The following CFAP206 variants were observed in gnomAD, a reference collection of about 807,000 sequenced individuals.
CFAP206 encodes the protein cilia and flagella associated protein 206, also known as cilia- and flagella-associated protein 206.
In CFAP206, 53 loss-of-function variants were observed where a neutral mutation model predicts 65.4. That is an observed-to-expected ratio of 0.81 (90% confidence interval 0.65 to 1.02). The LOEUF is 1.02. Ranked by LOEUF, CFAP206 falls within the 50% of genes least tolerant of loss-of-function variation. The probability of loss-of-function intolerance (pLI) is 0.00; values close to 1 mark genes in which losing one functional copy is unlikely to be tolerated. For missense variants in CFAP206, 663 were observed against 753.2 expected, an observed-to-expected ratio of 0.88 and a Z score of 1.40; for synonymous variants, 250 against 254.4, an observed-to-expected ratio of 0.98 and a Z score of 0.17.
intron 5 of CFAP206, 74 bp from the exon 6 acceptor site, chr6:87,416,595 A>T: frequency 7.2e-7 from 1 of 1,387,424 alleles, no homozygotes; most frequent in Non-Finnish European, 9.7e-7. Flanking sequence ...CTGCTAAAGA[A>T]AAACGTTATT....
chr6:87,455,828 T>C (rs1768630456), intron 11 of CFAP206, among the ~76,000 whole-genome samples: 1 of 152,132 alleles, frequency 6.6e-6, no homozygotes, highest in Non-Finnish European at 1.5e-5. Context: ...AAAACCTGAA[T>C]AGATCAATAA....
At chr6:87,461,739 C>G (rs1434852000) in intron 12 of CFAP206, among the ~76,000 whole-genome samples, 4 of 152,162 alleles carry the variant, frequency 2.6e-5, no homozygotes, top group African/African-American at 7.2e-5. Flanking sequence ...TCTGTAGCCC[C>G]TTTTTAGTAT....
intron 11 of CFAP206, among the ~76,000 whole-genome samples, chr6:87,456,561 G>A (rs2179845): frequency 0.14 from 22,054 of 152,124 alleles, 1,695 homozygotes; most frequent in Admixed American, 0.17. Flanking sequence ...ACCTCGGAAA[G>A]GAAGAAGTTA....
chr6:87,459,574 A>G (rs1768705948), intron 11 of CFAP206, among the ~76,000 whole-genome samples: 1 of 152,228 alleles, frequency 6.6e-6, no homozygotes, highest in Non-Finnish European at 1.5e-5. Flanking sequence ...GAGAACCCTA[A>G]GAACAGACAC....
At chr6:87,444,551 A>G (rs985818130) in intron 11 of CFAP206, 12 of 292,814 alleles carry the variant, frequency 4.1e-5, no homozygotes, top group Non-Finnish European at 8.0e-5. Flanking sequence ...CCTCTGGATC[A>G]CTAAGAATGT....
At chr6:87,463,635 A>C (rs1265669663) in intron 12 of CFAP206, among the ~76,000 whole-genome samples, 1 of 152,204 alleles carries the variant, frequency 6.6e-6, no homozygotes, top group Non-Finnish European at 1.5e-5. Flanking sequence ...TTTTTAAAAG[A>C]TAATACTGTA....
Position 87,418,289 on chromosome 6 carries a change from AC to A in CFAP206, c.715del (p.Arg239AlafsTer15). On this transcript the variant is annotated frameshift_variant, in exon 7 of 13. Transcript: ENST00000369562. LOFTEE classifies it high-confidence loss of function. ...YQLETARSQV[Y>X]RYTAILEKAA... ...CTTGAGACTGCCCGGAGCCAGGTAT[AC>A]CGCTACACAGCCATCCTTGAGAAGG... 1 of 1,614,150 alleles carries A rather than the reference AC, an allele frequency of 6.2e-7. No individual in the cohort carries two copies. Among genetic ancestry groups the A allele is most frequent in the Non-Finnish European group, 8.5e-7 (1 of 1,180,020 alleles).
rs1273378161 is a variant in CFAP206 at position 87,426,603 on chromosome 6, G to A, written c.918G>A (p.Met306Ile). Reference sequence around the variant, plus strand: ...GAGCCCATCTGGAACAACTAAAAATGACCATAAAATCAAAGATAGCGGTCC... The same window carrying A: ...GAGCCCATCTGGAACAACTAAAAATAACCATAAAATCAAAGATAGCGGTCC... ...QLGAHLEQLK[M>I]TIKSKIAVPT... The change falls in exon 8 of 13, where the codon ATG (methionine) becomes ATA (isoleucine). Residue 306 changes from methionine (M) to isoleucine (I), a missense_variant. Coordinates refer to ENST00000369562, the MANE Select transcript of CFAP206 (RefSeq NM_001031743.3). 2.5e-6 allele frequency: 4 copies of A among 1,597,750 alleles called. No homozygotes were observed. The highest frequency in any genetic ancestry group is 1.7e-5 in the Admixed American group (1 of 58,948).
At chr6:87,431,996 A>G (rs766093531) in intron 10 of CFAP206, among the ~76,000 whole-genome samples, 2 of 152,230 alleles carry the variant, frequency 1.3e-5, no homozygotes, top group Non-Finnish European at 2.9e-5. Flanking sequence ...TCCAAAATAA[A>G]GAATAAATCA....
chr6:87,416,807 G>C lies in CFAP206; in HGVS notation c.611G>C (p.Gly204Ala), dbSNP rs1287767042. Residue 204 changes from glycine (G) to alanine (A), a missense_variant, in exon 6 of 13, where the codon GGA (glycine) becomes GCA (alanine). By Grantham distance (60) the Gly-to-Ala change is moderately conservative (BLOSUM62 0). Coordinates refer to ENST00000369562, the MANE Select transcript of CFAP206 (RefSeq NM_001031743.3). The stretch of plus-strand genomic sequence containing the variant: ...TTATTTAACAGAGACTGTGGAAAAG[G>C]AGGAGAAGGCATTGATGATTGTAGG... The part of the protein sequence containing the change: ...IRLFNRDCGK[G>A]GEGIDDLPAV... 1 of 1,613,610 alleles carries C rather than the reference G, an allele frequency of 6.2e-7. No individual in the cohort carries two copies. The highest frequency in any genetic ancestry group is 1.1e-5 in the South Asian group (1 of 91,032).
In CFAP206 at chr6:87,410,715, G is replaced by T. The variant is rs746972719; in HGVS notation, c.192+47G>T. On this transcript the variant is annotated intron_variant, in intron 3 of 12. Coordinates refer to ENST00000369562, the MANE Select transcript of CFAP206 (RefSeq NM_001031743.3). ...AATTTGCAATTACTTATTCTCAGTT[G>T]TAAATACAATATTTGTATTAGTCAT... The T allele has an allele frequency of 8.5e-6, 12 of 1,409,992 alleles. No homozygotes were observed. In the African/African-American group the frequency reaches 1.4e-4, roughly 17 times the overall value. The allele number at this position is 1,409,992 out of a possible 1,614,324, so 87.3% of individuals were successfully genotyped here.
chr6:87,413,686 G>A, intron 3 of CFAP206, 124 bp from the exon 4 acceptor site: 1 of 599,396 alleles, frequency 1.7e-6, no homozygotes, highest in African/African-American at 2.0e-5. Flanking sequence ...AAAATAAAAG[G>A]GGTTATTGGT....
chr6:87,423,954 C>T (rs1052547922), intron 7 of CFAP206, among the ~76,000 whole-genome samples: 1 of 152,170 alleles, frequency 6.6e-6, no homozygotes, highest in Non-Finnish European at 1.5e-5. Context: ...GTCTAGAAAG[C>T]ATATAATTAG....
At chr6:87,444,524 C>T in intron 11 of CFAP206, 4 of 274,946 alleles carry the variant, frequency 1.5e-5, no homozygotes, top group Non-Finnish European at 2.9e-5. Flanking sequence ...CTTCTGGACC[C>T]TGTATGGCTG....
chr6:87,446,681 C>CT (rs1451534036), intron 11 of CFAP206, among the ~76,000 whole-genome samples: 1 of 152,056 alleles, frequency 6.6e-6, no homozygotes, highest in African/African-American at 2.4e-5. Context: ...TATATGGGCT[C>CT]TTTTTTGGCT....
At chr6:87,415,452 C>A in intron 4 of CFAP206, 1 of 523,830 alleles carries the variant, frequency 1.9e-6, no homozygotes, top group African/African-American at 1.9e-5. Flanking sequence ...TGTTTAAAGT[C>A]TTAGGTGTTT....
chr6:87,427,983 T>C (rs1240479111), intron 8 of CFAP206, among the ~76,000 whole-genome samples: 1 of 67,210 alleles, frequency 1.5e-5, no homozygotes, highest in African/African-American at 7.6e-5. Context: ...TCCACCCTCC[T>C]TTTTTTTTTT....
chr6:87,446,589 G>A (rs1768444754), intron 11 of CFAP206, among the ~76,000 whole-genome samples: 1 of 152,098 alleles, frequency 6.6e-6, no homozygotes, highest in Non-Finnish European at 1.5e-5. Flanking sequence ...TGCTGTTTTG[G>A]TTACTGTAGG....
rs1284038196 is a variant in CFAP206, at chr6:87,428,812, A to G, written c.1147A>G (p.Lys383Glu). 6.2e-7 allele frequency: 1 copy of G among 1,613,364 alleles called. No homozygotes were observed. ...ATVKTDVCRM[K>E]EHMEDRVNVA... ...TGTGAAAACTGATGTGTGTAGAATG[A>G]AAGAACACATGGGTAATGAAAATCA... Residue 383 changes from lysine to glutamate, a missense_variant, in exon 9 of 13, where the codon AAA becomes GAA. Coordinates refer to ENST00000369562, the MANE Select transcript of CFAP206 (RefSeq NM_001031743.3).
Sources: gnomAD v4.1 joint callset for allele counts (sites outside exome capture counted in the v4.1 genomes callset) on GRCh38, gnomAD v4.1.1 for gene constraint, MANE v1.5 for transcripts, NCBI Gene and HGNC (gene_info 2026-07-23, HGNC 2026-07-21) for gene names.